Variants in FCER2 observed in about 807,000 individuals in gnomAD.
The protein encoded by FCER2 is low affinity immunoglobulin epsilon Fc receptor.
FCER2 carries 38 observed loss-of-function variants against 49.7 expected under a neutral mutation model. The ratio of observed to expected loss-of-function variants is 0.76; its 90% confidence interval spans 0.59 to 1.00. The LOEUF (loss-of-function observed/expected upper bound fraction) is 1.00, where lower values mean the gene tolerates loss of function less well. Among genes scored for constraint, FCER2 ranks in the 50% least tolerant of loss-of-function variants. FCER2 has a pLI of 0.00. For synonymous variants in FCER2, 163 were observed against 164.6 expected (o/e 0.99, Z 0.07); for missense variants, 425 against 419.5 (o/e 1.01, Z -0.11).
rs28364072 is a variant in FCER2, at chr19:7,690,399, A to G, written c.621+7T>C. Reference sequence around the variant, plus strand: ...CTGCCCACCACCTCTGCAGAGCCCCAGCCCACCTGCTCCTCCGGGCTGTGG... The same window carrying G: ...CTGCCCACCACCTCTGCAGAGCCCCGGCCCACCTGCTCCTCCGGGCTGTGG... On this transcript the variant is annotated splice_region_variant and intron_variant, in intron 9 of 10. Transcript: ENST00000597921. The G allele has an allele frequency of 0.29, 470,891 of 1,612,512 alleles. 72,921 individuals carry two copies. Among genetic ancestry groups the G allele is most frequent in the African/African-American group, 0.56 (41,889 of 74,898 alleles).
chr19:7,696,605 A>C, intron 8 of FCER2: 1 of 571,038 alleles, frequency 1.8e-6, no homozygotes, highest in Non-Finnish European at 3.1e-6. Flanking sequence ...GCCCCATCAG[A>C]AACTTAGTCC....
At chr19:7,696,713 A>C in intron 8 of FCER2, 112 bp downstream of exon 8, 1 of 762,032 alleles carries the variant, frequency 1.3e-6, no homozygotes, top group Non-Finnish European at 2.2e-6. Context: ...CGGGTCACAC[A>C]AACGTATAGA....
In FCER2 at chr19:7,689,005, C is replaced by A. The variant is rs1341220623; in HGVS notation, c.*188G>T. 3.4e-6 allele frequency: 2 copies of A among 594,690 alleles called. No homozygotes were observed. The highest frequency in any genetic ancestry group is 6.0e-6 in the Non-Finnish European group (2 of 332,796). The allele number at this position is 594,690 out of a possible 1,614,324, so 36.8% of individuals were successfully genotyped here. ...TGGAGAGGGTGCTGTTGGGGGCACT[C>A]CCATCTGGAGAGGGTGCTGTTGGGG... On this transcript the variant is annotated 3_prime_UTR_variant, in exon 11 of 11. Coordinates refer to ENST00000597921, the MANE Select transcript of FCER2 (RefSeq NM_001220500.2).
chr19:7,697,417 T>C (rs1389243371), intron 5 of FCER2, 110 bp downstream of exon 5: 3 of 1,464,498 alleles, frequency 2.0e-6, no homozygotes, highest in African/African-American at 1.4e-5. Flanking sequence ...AGTTTGCAGT[T>C]CCCGGGTGTC....
chr19:7,697,905 A>G (rs904569094), intron 4 of FCER2, among the ~76,000 whole-genome samples: 1 of 152,208 alleles, frequency 6.6e-6, no homozygotes, highest in Non-Finnish European at 1.5e-5. Context: ...AAATGGAGGC[A>G]CAAAGCAGTT....
intron 8 of FCER2, among the ~76,000 whole-genome samples, chr19:7,694,862 T>TC: frequency 6.6e-6 from 1 of 151,860 alleles, no homozygotes; most frequent in Non-Finnish European, 1.5e-5. Flanking sequence ...AGAGGCAAGG[T>TC]CCCACTCTGT....
At chr19:7,693,954 T>C (rs2032949676) in intron 8 of FCER2, among the ~76,000 whole-genome samples, 1 of 59,328 alleles carries the variant, frequency 1.7e-5, no homozygotes, top group Non-Finnish European at 2.8e-5. Context: ...CAGCCACAGA[T>C]TTTTTTTTTT....
chr19:7,698,411 TG>T lies in FCER2; in HGVS notation c.137-3del. The T allele has an allele frequency of 6.2e-7, 1 of 1,611,042 alleles. No homozygotes were observed. The highest frequency in any genetic ancestry group is 8.5e-7 in the Non-Finnish European group (1 of 1,177,976). On this transcript the variant is annotated splice_region_variant and splice_polypyrimidine_tract_variant and intron_variant, in intron 3 of 10. Transcript: ENST00000597921. Reference sequence around the variant, plus strand: ...TTAGACTCTGTGTGGTGTCCCAGTCTGGGGAGGGGGAGAGAAGAGGAGTGGA... The same window carrying T: ...TTAGACTCTGTGTGGTGTCCCAGTCTGGGAGGGGGAGAGAAGAGGAGTGGA...
chr19:7,699,961 C>T (rs909535984), intron 1 of FCER2, 116 bp from the exon 2 acceptor site: 73 of 627,774 alleles, frequency 1.2e-4, no homozygotes, highest in Non-Finnish European at 3.7e-5. Context: ...GTTTAGTCTA[C>T]AATCTGGACT....
chr19:7,700,084 T>C, intron 1 of FCER2: 1 of 380,652 alleles, frequency 2.6e-6, no homozygotes. Context: ...GGTGCACCCA[T>C]GAGATCTTGA....
chr19:7,697,842 A>C lies in FCER2; in HGVS notation c.191-253T>G, dbSNP rs116074506. Among the ~76,000 whole-genome samples, 1,449 of 152,292 alleles carry C rather than the reference A, an allele frequency of 9.5e-3. 21 individuals are homozygous for C. Among genetic ancestry groups the C allele is most frequent in the African/African-American group, 0.033 (1,366 of 41,556 alleles). ...ACTATCAGGGTACTTCACAAATCTT[A>C]GAGCTTGTTTCTGTCTCACGGCACT... On this transcript the variant is annotated intron_variant, in intron 4 of 10. Transcript: ENST00000597921.
At chr19:7,700,427 A>T (rs2033128011) in intron 1 of FCER2, among the ~76,000 whole-genome samples, 1 of 152,196 alleles carries the variant, frequency 6.6e-6, no homozygotes, top group South Asian at 2.1e-4. Context: ...CGTCCCACTG[A>T]GAAATGCTAA....
chr19:7,696,247 G>A (rs150291998), intron 8 of FCER2, among the ~76,000 whole-genome samples: 2 of 151,994 alleles, frequency 1.3e-5, no homozygotes, highest in African/African-American at 2.4e-5. Context: ...CTACAGGCAC[G>A]CACCACTACA....
chr19:7,701,886 C>T (rs1175392284), intron 1 of FCER2, 129 bp downstream of exon 1: 1 of 149,740 alleles, frequency 6.7e-6, no homozygotes. Context: ...CCCTCACCAC[C>T]CACCACCTCC....
chr19:7,690,444 C>T lies in FCER2; in HGVS notation c.583G>A (p.Glu195Lys), dbSNP rs867413961. 1 of 1,614,102 alleles carries T rather than the reference C, an allele frequency of 6.2e-7. No homozygotes were observed. Among genetic ancestry groups the T allele is most frequent in the South Asian group, 1.1e-5 (1 of 91,080 alleles). ...VHARYACDDM[E>K]GQLVSIHSPE... The stretch of plus-strand genomic sequence containing the variant: ...CTGTGGATGCTGACCAGCTGCCCTT[C>T]CATGTCGTCACAGGCATACCGGGCG... The change falls in exon 9 of 11, where the codon GAA becomes AAA. Residue 195 changes from glutamate to lysine, a missense_variant. Physicochemically the swap from Glu to Lys is moderately conservative, Grantham distance 56. Coordinates refer to ENST00000597921, the MANE Select transcript of FCER2 (RefSeq NM_001220500.2).
rs748915519 is a variant in FCER2 at position 7,698,345 on chromosome 19, C to A, written c.190+11G>T. On this transcript the variant is annotated intron_variant, in intron 4 of 10. Transcript: ENST00000597921. ...CTCACCCCCACCCCCTCCACCTTGACCCCTTCATACCGTTCCGGGCAGCCC... is the reference window on the plus strand; with the variant it reads ...CTCACCCCCACCCCCTCCACCTTGAACCCTTCATACCGTTCCGGGCAGCCC... 21 of 1,597,158 alleles carry A rather than the reference C, an allele frequency of 1.3e-5. No homozygotes were observed. Among genetic ancestry groups the A allele is most frequent in the Non-Finnish European group, 1.7e-5 (20 of 1,169,028 alleles).
intron 10 of FCER2, 81 bp from the exon 11 acceptor site, chr19:7,689,511 C>T (rs1568485995): frequency 1.2e-6 from 1 of 823,734 alleles, no homozygotes; most frequent in East Asian, 2.7e-5. Flanking sequence ...TCTGCACCCT[C>T]CCTTCTCACC....
chr19:7,699,980 T>C (rs1380170954), intron 1 of FCER2, 135 bp from the exon 2 acceptor site: 2 of 601,486 alleles, frequency 3.3e-6, no homozygotes, highest in Non-Finnish European at 6.0e-6. Context: ...CTCACTAGCG[T>C]GGTTAGCAGG....
chr19:7,700,506 CTTTATTTA>C (rs113893384), intron 1 of FCER2, among the ~76,000 whole-genome samples: 36 of 150,788 alleles, frequency 2.4e-4, no homozygotes, highest in African/African-American at 8.0e-4. Flanking sequence ...AGTGCTCTGA[CTTTATTTA>C]TTTATTTATT....
Sources: allele counts gnomAD v4.1 joint callset (sites outside exome capture counted in the v4.1 genomes callset), GRCh38; gene constraint gnomAD v4.1.1; transcripts MANE v1.5; gene names NCBI Gene and HGNC (gene_info 2026-07-23, HGNC 2026-07-21).